The following CSMD1 variants were observed in gnomAD, a reference collection of about 807,000 sequenced individuals.
The protein encoded by CSMD1 is CUB and Sushi multiple domains 1, also known as CUB and sushi domain-containing protein 1.
A neutral mutation model predicts 417.5 loss-of-function variants in CSMD1; 213 were observed. The observed-to-expected ratio is 0.51, with a 90% CI of 0.46 to 0.57. The LOEUF is 0.57. CSMD1 is among the 20% of genes least tolerant of loss of function. CSMD1 has a pLI of 0.00. For missense variants in CSMD1, 6,923 were observed against 4,529.7 expected, an observed-to-expected ratio of 1.53 and a Z score of -15.17; for synonymous variants, 2,862 against 1,736.8, an observed-to-expected ratio of 1.65 and a Z score of -16.11.
At chr8:3,911,401 G>T (rs538623450) in intron 5 of CSMD1, among the ~76,000 whole-genome samples, 1 of 151,528 alleles carries the variant, frequency 6.6e-6, no homozygotes, top group Non-Finnish European at 1.5e-5. Context: ...GGTGGCGGGC[G>T]CCTGTGATCC....
At chr8:3,466,374 C>G (rs9314491) in intron 12 of CSMD1, among the ~76,000 whole-genome samples, 1 of 151,874 alleles carries the variant, frequency 6.6e-6, no homozygotes, top group African/African-American at 2.4e-5. Flanking sequence ...GAACATTTAA[C>G]TCTATGTGAA....
intron 1 of CSMD1, among the ~76,000 whole-genome samples, chr8:4,845,544 T>G (rs1315123718): frequency 6.6e-6 from 1 of 152,244 alleles, no homozygotes; most frequent in Admixed American, 6.5e-5. Context: ...CTGTTGAACT[T>G]TGGCCTACGT....
At chr8:4,587,432 GATATATATGTATATGTAC>G (rs1337480050) in intron 2 of CSMD1, among the ~76,000 whole-genome samples, 15 of 95,212 alleles carry the variant, frequency 1.6e-4, no homozygotes, top group African/African-American at 2.6e-4. Flanking sequence ...TGTATATGTG[GATATATATGTATATGTAC>G]ATATATATGT....
intron 9 of CSMD1, among the ~76,000 whole-genome samples, chr8:3,577,095 G>C (rs1800181182): frequency 1.3e-5 from 2 of 152,182 alleles, no homozygotes; most frequent in Non-Finnish European, 2.9e-5. Context: ...GGCTCAGCCT[G>C]TCATTGGCCC....
chr8:3,667,087 T>G (rs573252984), intron 7 of CSMD1, among the ~76,000 whole-genome samples: 22 of 152,248 alleles, frequency 1.4e-4, no homozygotes, highest in Admixed American at 7.8e-4. Context: ...GAGTGCTTGG[T>G]ACAAGCAAGG....
chr8:3,125,542 T>TTG (rs1817458196), intron 41 of CSMD1, among the ~76,000 whole-genome samples: 1 of 152,122 alleles, frequency 6.6e-6, no homozygotes. Flanking sequence ...TAAAGGGTGG[T>TTG]AAAAGCCACG....
rs181032915 is a variant in CSMD1 at position 3,504,495 on chromosome 8, T to C, written c.1345-10769A>G. On this transcript the variant is annotated intron_variant, in intron 10 of 69. Coordinates refer to ENST00000635120, the MANE Select transcript of CSMD1 (RefSeq NM_033225.6). ...TGATCAATGGCAGTTGTGTTCATTATTATCCTCATGGCAACCCTTCATAAA... is the reference window on the plus strand; with the variant it reads ...TGATCAATGGCAGTTGTGTTCATTACTATCCTCATGGCAACCCTTCATAAA... Among the ~76,000 whole-genome samples, 4 of 152,320 alleles carry C rather than the reference T, an allele frequency of 2.6e-5. No individual in the cohort carries two copies. The East Asian group carries it at 7.7e-4, about 29-fold the overall frequency.
At chr8:3,396,726 A>T (rs1214093382) in intron 16 of CSMD1, among the ~76,000 whole-genome samples, 2 of 152,134 alleles carry the variant, frequency 1.3e-5, no homozygotes, top group Non-Finnish European at 2.9e-5. Flanking sequence ...GATTATTCCC[A>T]AATAGAAAAA....
chr8:4,067,877 G>A (rs943680442), intron 3 of CSMD1, among the ~76,000 whole-genome samples: 1 of 152,092 alleles, frequency 6.6e-6, no homozygotes. Context: ...AAGAGATGGA[G>A]ACCATCCTGG....
chr8:3,975,670 A>T (rs1813383253), intron 5 of CSMD1, among the ~76,000 whole-genome samples: 9 of 152,186 alleles, frequency 5.9e-5, no homozygotes, highest in Admixed American at 5.9e-4. Flanking sequence ...CGATTCAGGA[A>T]ATGTACAGGA....
At chr8:4,738,077 C>A (rs1261407730) in intron 1 of CSMD1, among the ~76,000 whole-genome samples, 1 of 152,134 alleles carries the variant, frequency 6.6e-6, no homozygotes, top group Non-Finnish European at 1.5e-5. Flanking sequence ...AGATTACATG[C>A]CAACACCAGG....
chr8:3,713,938 G>T (rs1801671435), intron 6 of CSMD1, among the ~76,000 whole-genome samples: 1 of 151,908 alleles, frequency 6.6e-6, no homozygotes, highest in Non-Finnish European at 1.5e-5. Context: ...TTTTATTTAA[G>T]TACTGCACCA....
intron 22 of CSMD1, among the ~76,000 whole-genome samples, chr8:3,345,123 C>T (rs1021015332): frequency 5.9e-5 from 9 of 152,128 alleles, no homozygotes; most frequent in African/African-American, 1.7e-4. Context: ...TGGGGAAATA[C>T]GAAAGAACTA....
intron 3 of CSMD1, among the ~76,000 whole-genome samples, chr8:4,368,727 C>T (rs1460898828): frequency 6.6e-6 from 1 of 151,968 alleles, no homozygotes; most frequent in Non-Finnish European, 1.5e-5. Flanking sequence ...TATCTAGTCT[C>T]CTAGGTTTTC....
At chr8:3,308,639 G>A (rs78146937) in intron 23 of CSMD1, 136 bp from the exon 24 acceptor site, 15,216 of 650,066 alleles carry the variant, frequency 0.023, 216 homozygotes, top group Middle Eastern at 0.026. Flanking sequence ...TTTACAAAGG[G>A]GAAAAGAAAG....
intron 5 of CSMD1, among the ~76,000 whole-genome samples, chr8:3,787,918 G>A (rs959636935): frequency 1.3e-5 from 2 of 152,160 alleles, no homozygotes; most frequent in Non-Finnish European, 2.9e-5. Flanking sequence ...AATCTCTGTA[G>A]TTGTGAGGGG....
intron 24 of CSMD1, among the ~76,000 whole-genome samples, 167 bp downstream of exon 24, chr8:3,308,145 T>C (rs1318142310): frequency 6.6e-6 from 1 of 151,974 alleles, no homozygotes; most frequent in Non-Finnish European, 1.5e-5. Flanking sequence ...CTTTCATAGC[T>C]GAAAACACAC....
intron 50 of CSMD1, among the ~76,000 whole-genome samples, chr8:3,042,214 G>C (rs1585211549): frequency 6.6e-6 from 1 of 152,258 alleles, no homozygotes; most frequent in East Asian, 1.9e-4. Flanking sequence ...TTCCAAGCAT[G>C]TAGCAAACAG....
chr8:4,225,526 T>G (rs1211251505), intron 3 of CSMD1, among the ~76,000 whole-genome samples: 1 of 152,034 alleles, frequency 6.6e-6, no homozygotes, highest in Non-Finnish European at 1.5e-5. Context: ...TTTTATTCCT[T>G]TTTGCCTCTA....
Sources: allele counts gnomAD v4.1 joint callset (sites outside exome capture counted in the v4.1 genomes callset), GRCh38; gene constraint gnomAD v4.1.1; transcripts MANE v1.5; gene names NCBI Gene and HGNC (gene_info 2026-07-23, HGNC 2026-07-21).